The following HS6ST3 variants were observed in gnomAD, a reference collection of about 807,000 sequenced individuals.
HS6ST3 encodes the protein heparan-sulfate 6-O-sulfotransferase 3.
HS6ST3 carries 12 observed loss-of-function variants against 36.7 expected under a neutral mutation model. That is an observed-to-expected ratio of 0.33 (90% CI 0.21 to 0.53). HS6ST3 has a LOEUF of 0.53. HS6ST3 is among the 20% of genes least tolerant of loss of function. The pLI is 0.95. For missense variants in HS6ST3, 584 were observed against 640.9 expected, an observed-to-expected ratio of 0.91 and a Z score of 0.96; for synonymous variants, 240 against 257.5, an observed-to-expected ratio of 0.93 and a Z score of 0.65.
intron 1 of HS6ST3, among the ~76,000 whole-genome samples, chr13:96,514,474 A>G (rs1197489608): frequency 6.6e-6 from 1 of 152,122 alleles, no homozygotes; most frequent in African/African-American, 2.4e-5. Flanking sequence ...CCAATGTGAC[A>G]GTATTTGGAG....
chr13:96,720,165 A>G (rs1020557826), intron 1 of HS6ST3, among the ~76,000 whole-genome samples: 1 of 152,214 alleles, frequency 6.6e-6, no homozygotes, highest in African/African-American at 2.4e-5. Flanking sequence ...TGCAATGTAT[A>G]TAGGCTCTAA....
At chr13:96,459,687 A>G (rs963123988) in intron 1 of HS6ST3, among the ~76,000 whole-genome samples, 3 of 152,174 alleles carry the variant, frequency 2.0e-5, no homozygotes, top group African/African-American at 4.8e-5. Context: ...ACAATTGCAT[A>G]CATGTTCCTT....
At chr13:96,295,432 A>G (rs993023458) in intron 1 of HS6ST3, among the ~76,000 whole-genome samples, 2 of 152,134 alleles carry the variant, frequency 1.3e-5, no homozygotes, top group Non-Finnish European at 2.9e-5. Context: ...ACAACAGTTG[A>G]TGCAATTGCA....
intron 1 of HS6ST3, among the ~76,000 whole-genome samples, chr13:96,508,199 G>A (rs564046125): frequency 6.6e-6 from 1 of 151,996 alleles, no homozygotes; most frequent in East Asian, 1.9e-4. Context: ...TAATCCCCAC[G>A]GTTTCATAAT....
In HS6ST3 at chr13:96,371,381, G is replaced by C. The variant is rs78084457; in HGVS notation, c.707+279812G>C. Among the ~76,000 whole-genome samples the C allele has an allele frequency of 8.6e-3, 1,301 of 152,124 alleles. 11 individuals are homozygous for C. The highest frequency in any genetic ancestry group is 0.014 in the Non-Finnish European group (931 of 67,996). ...TTTAAGGTGTACAATGTGATGTTTTGATATACATGTACAATGTGACATGAT... is the reference window on the plus strand; with the variant it reads ...TTTAAGGTGTACAATGTGATGTTTTCATATACATGTACAATGTGACATGAT... On this transcript the variant is annotated intron_variant, in intron 1 of 1. Coordinates refer to ENST00000376705, the MANE Select transcript of HS6ST3 (RefSeq NM_153456.4).
At chr13:96,245,836 C>T (rs2054582537) in intron 1 of HS6ST3, among the ~76,000 whole-genome samples, 1 of 152,096 alleles carries the variant, frequency 6.6e-6, no homozygotes, top group South Asian at 2.1e-4. Context: ...TGGGTCTACT[C>T]TGAAATAGAA....
intron 1 of HS6ST3, among the ~76,000 whole-genome samples, chr13:96,761,363 G>A (rs1876967186): frequency 6.6e-6 from 1 of 151,744 alleles, no homozygotes; most frequent in South Asian, 2.1e-4. Context: ...ATTTCATTGG[G>A]TTTTGGTGGC....
intron 1 of HS6ST3, among the ~76,000 whole-genome samples, chr13:96,127,853 C>T (rs2053959032): frequency 6.6e-6 from 1 of 152,168 alleles, no homozygotes; most frequent in Non-Finnish European, 1.5e-5. Context: ...AGAACTGTAA[C>T]ATTCTGGTTA....
At chr13:96,589,520 A>C (rs1240411562) in intron 1 of HS6ST3, among the ~76,000 whole-genome samples, 5 of 149,344 alleles carry the variant, frequency 3.3e-5, no homozygotes, top group Admixed American at 2.0e-4. Context: ...GTTTTTCTTG[A>C]CTCTGTTTTA....
chr13:96,574,007 A>G (rs1594809953), intron 1 of HS6ST3: 3 of 542,154 alleles, frequency 5.5e-6, no homozygotes, highest in South Asian at 2.8e-5. Context: ...ACGACTTCCT[A>G]GATTCACCAA....
At chr13:96,581,512 G>A (rs1029040695) in intron 1 of HS6ST3, among the ~76,000 whole-genome samples, 5 of 152,026 alleles carry the variant, frequency 3.3e-5, no homozygotes, top group Non-Finnish European at 4.4e-5. Flanking sequence ...ATGAGCCACC[G>A]CGCCTGGCCA....
At position 96,534,302 on chromosome 13, in the gene HS6ST3, T is replaced by A. The variant is rs1166790999; in HGVS notation, c.708-298188T>A. On this transcript the variant is annotated intron_variant, in intron 1 of 1. Transcript: ENST00000376705. ...ATCTAGGATTTAGAGCCATCTCTTT[T>A]CTAATGTAATCCAGATATATATACT... is the stretch of plus-strand genomic sequence containing the variant. 2.6e-5 allele frequency among the ~76,000 whole-genome samples: 4 copies of A among 152,348 alleles called. No individual in the cohort carries two copies. In the East Asian group the frequency reaches 7.7e-4, roughly 29 times the overall value.
rs964635253 is a variant in HS6ST3 at position 96,713,974 on chromosome 13, T to C, written c.708-118516T>C. On this transcript the variant is annotated intron_variant, in intron 1 of 1. Coordinates refer to ENST00000376705, the MANE Select transcript of HS6ST3 (RefSeq NM_153456.4). Reference sequence around the variant, plus strand: ...GGCTGTTCAATAAATGTTGCTGAGATAATTGGTTATCCATAAGGTTAAAAT... The same window carrying C: ...GGCTGTTCAATAAATGTTGCTGAGACAATTGGTTATCCATAAGGTTAAAAT... 3.3e-5 allele frequency among the ~76,000 whole-genome samples: 5 copies of C among 152,250 alleles called. No individual in the cohort carries two copies. The South Asian group carries it at 1.0e-3, about 32-fold the overall frequency.
intron 1 of HS6ST3, among the ~76,000 whole-genome samples, chr13:96,104,696 GATTCAA>G (rs2053833028): frequency 6.6e-6 from 1 of 152,190 alleles, no homozygotes; most frequent in Non-Finnish European, 1.5e-5. Context: ...CTGCTGAAAT[GATTCAA>G]ACTGGCCAGT....
At chr13:96,749,362 A>G (rs1043766057) in intron 1 of HS6ST3, among the ~76,000 whole-genome samples, 5 of 152,198 alleles carry the variant, frequency 3.3e-5, no homozygotes, top group Admixed American at 2.0e-4. Flanking sequence ...AATTACACAT[A>G]TCTCTCTATA....
chr13:96,755,171 C>T (rs533965652), intron 1 of HS6ST3, among the ~76,000 whole-genome samples: 1 of 152,106 alleles, frequency 6.6e-6, no homozygotes, highest in East Asian at 1.9e-4. Flanking sequence ...AATTTCCCCA[C>T]CTGTAGATAA....
rs147236867 is a variant in HS6ST3 at position 96,512,999 on chromosome 13, T to C, written c.708-319491T>C. Among the ~76,000 whole-genome samples the C allele has an allele frequency of 4.5e-3, 680 of 152,172 alleles. 4 individuals are homozygous for C. The highest frequency in any genetic ancestry group is 0.013 in the Admixed American group (199 of 15,252). ...AGATGTTGTCATCCCTTGGTTCTTA[T>C]ACGCTTGAGAATATCTTTCTGTTAC... On this transcript the variant is annotated intron_variant, in intron 1 of 1. Coordinates refer to ENST00000376705, the MANE Select transcript of HS6ST3 (RefSeq NM_153456.4).
intron 1 of HS6ST3, among the ~76,000 whole-genome samples, chr13:96,448,311 T>C (rs1335936074): frequency 6.6e-6 from 1 of 152,200 alleles, no homozygotes; most frequent in Non-Finnish European, 1.5e-5. Flanking sequence ...TAATCAACCA[T>C]TGTCATCATC....
chr13:96,719,081 T>C (rs550061271), intron 1 of HS6ST3, among the ~76,000 whole-genome samples: 2 of 152,248 alleles, frequency 1.3e-5, no homozygotes, highest in Admixed American at 6.5e-5. Flanking sequence ...GAGACCATCC[T>C]GGCTAACACG....
Sources: allele counts gnomAD v4.1 joint callset (sites outside exome capture counted in the v4.1 genomes callset), GRCh38; gene constraint gnomAD v4.1.1; transcripts MANE v1.5; gene names NCBI Gene and HGNC (gene_info 2026-07-23, HGNC 2026-07-21).